The following FIP1L1 variants were observed in gnomAD, a reference collection of about 807,000 sequenced individuals.
FIP1L1 encodes the protein pre-mRNA 3'-end-processing factor FIP1.
In FIP1L1, 21 loss-of-function variants were observed where a neutral mutation model predicts 84.6. That is an observed-to-expected ratio of 0.25 (90% CI 0.18 to 0.36). FIP1L1 has a LOEUF of 0.36. Among genes scored for constraint, FIP1L1 ranks in the 10% least tolerant of loss-of-function variants. The probability of loss-of-function intolerance (pLI) is 1.00; values close to 1 mark genes in which losing one functional copy is unlikely to be tolerated. For missense variants in FIP1L1, 526 were observed against 751.1 expected, an observed-to-expected ratio of 0.70 and a Z score of 3.50; for synonymous variants, 263 against 242.3, an observed-to-expected ratio of 1.09 and a Z score of -0.80.
chr4:53,446,683 A>T (rs1217607271), intron 15 of FIP1L1, among the ~76,000 whole-genome samples: 1 of 152,154 alleles, frequency 6.6e-6, no homozygotes, highest in Non-Finnish European at 1.5e-5. Context: ...TTTTAATGAG[A>T]CTTTCCAGTT....
chr4:53,441,347 TTAGG>T (rs1771850593), intron 13 of FIP1L1, among the ~76,000 whole-genome samples: 1 of 151,748 alleles, frequency 6.6e-6, no homozygotes. Context: ...AGAGTGAAGT[TTAGG>T]TAGCATAGTA....
At chr4:53,381,971 A>G (rs529413351) in intron 3 of FIP1L1, among the ~76,000 whole-genome samples, 1 of 150,290 alleles carries the variant, frequency 6.7e-6, no homozygotes, top group South Asian at 2.1e-4. Flanking sequence ...GGGTTTTACC[A>G]TCTTGGCCAG....
At chr4:53,378,177 G>GC (rs1735693948) in intron 1 of FIP1L1, 2 of 366,098 alleles carry the variant, frequency 5.5e-6, no homozygotes, top group Non-Finnish European at 9.8e-6. Context: ...ACCGGTCCTG[G>GC]CCCCCGGCTT....
chr4:53,397,173 A>C (rs963008573), intron 9 of FIP1L1, among the ~76,000 whole-genome samples: 1 of 152,236 alleles, frequency 6.6e-6, no homozygotes, highest in African/African-American at 2.4e-5. Flanking sequence ...AGAAACCAGG[A>C]AGAAGAAAAT....
At chr4:53,446,525 G>T (rs1294308954) in intron 15 of FIP1L1, among the ~76,000 whole-genome samples, 1 of 152,076 alleles carries the variant, frequency 6.6e-6, no homozygotes, top group South Asian at 2.1e-4. Flanking sequence ...TGGGTCCTGG[G>T]TTCATCTCAT....
chr4:53,413,685 T>C (rs1002280679), intron 10 of FIP1L1, among the ~76,000 whole-genome samples: 2 of 152,278 alleles, frequency 1.3e-5, no homozygotes, highest in African/African-American at 4.8e-5. Context: ...AATTCAGATA[T>C]TGGGTTCAGA....
At chr4:53,414,543 A>G in intron 10 of FIP1L1, 72 bp from the exon 11 acceptor site, 1 of 1,047,632 alleles carries the variant, frequency 9.5e-7, no homozygotes. Context: ...GTCAAGAAAA[A>G]AAAAAAAACA....
intron 3 of FIP1L1, 46 bp from the exon 4 acceptor site, chr4:53,382,232 C>A (rs1738481604): frequency 7.2e-7 from 1 of 1,380,778 alleles, no homozygotes; most frequent in Non-Finnish European, 1.0e-6. Context: ...ATCTGTACTT[C>A]CGAAAAGTAA....
At chr4:53,449,456 A>C (rs1341042701) in intron 15 of FIP1L1, among the ~76,000 whole-genome samples, 3 of 152,168 alleles carry the variant, frequency 2.0e-5, no homozygotes, top group Non-Finnish European at 2.9e-5. Context: ...TGATTTGCTG[A>C]AATAAACCTA....
chr4:53,453,656 G>GT (rs1717324404), intron 16 of FIP1L1, among the ~76,000 whole-genome samples: 1 of 152,116 alleles, frequency 6.6e-6, no homozygotes, highest in South Asian at 2.1e-4. Context: ...TGACTCTCTT[G>GT]TTTCCCAATG....
chr4:53,403,971 C>G (rs576231954), intron 10 of FIP1L1, among the ~76,000 whole-genome samples: 20 of 151,372 alleles, frequency 1.3e-4, no homozygotes, highest in African/African-American at 4.6e-4. Context: ...CTCTCTCCAG[C>G]CACTGAGCTG....
intron 5 of FIP1L1, among the ~76,000 whole-genome samples, chr4:53,389,455 CTT>C (rs34929012): frequency 1.0e-4 from 15 of 150,466 alleles, no homozygotes; most frequent in Admixed American, 2.6e-4. Flanking sequence ...ACAAGTCAGG[CTT>C]TTTTTTTTTA....
At chr4:53,421,012 T>C (rs1209429112) in intron 11 of FIP1L1, among the ~76,000 whole-genome samples, 1 of 152,180 alleles carries the variant, frequency 6.6e-6, no homozygotes, top group Non-Finnish European at 1.5e-5. Flanking sequence ...CAAAAAAGTA[T>C]TGATGCTGGG....
intron 17 of FIP1L1, among the ~76,000 whole-genome samples, 166 bp from the exon 18 acceptor site, chr4:53,459,136 A>G (rs1247005235): frequency 6.6e-6 from 1 of 152,134 alleles, no homozygotes; most frequent in Non-Finnish European, 1.5e-5. Flanking sequence ...ATCCCTGCAT[A>G]AAAGTCACAT....
intron 11 of FIP1L1, among the ~76,000 whole-genome samples, chr4:53,417,642 CAAAAAAAA>C (rs57635694): frequency 2.2e-5 from 1 of 46,360 alleles, no homozygotes; most frequent in Non-Finnish European, 4.3e-5. Flanking sequence ...AACTCCTTCT[CAAAAAAAA>C]AAAAAAAAAA....
At chr4:53,396,009 C>T (rs113182200) in intron 9 of FIP1L1, among the ~76,000 whole-genome samples, 16,769 of 151,776 alleles carry the variant, frequency 0.11, 1,068 homozygotes, top group East Asian at 0.16. Flanking sequence ...ACCTCTACCT[C>T]CTGGGTTCAA....
At chr4:53,417,663 A>AAG (rs1553917521) in intron 11 of FIP1L1, among the ~76,000 whole-genome samples, 2 of 148,350 alleles carry the variant, frequency 1.3e-5, no homozygotes, top group Non-Finnish European at 3.0e-5. Flanking sequence ...AAAAAAAAAA[A>AAG]AAAGAAAAGA....
intron 11 of FIP1L1, among the ~76,000 whole-genome samples, chr4:53,420,360 C>T (rs1356044433): frequency 6.9e-6 from 1 of 145,680 alleles, no homozygotes; most frequent in Admixed American, 7.1e-5. Flanking sequence ...ATCCAGGAGG[C>T]AGAGGTTGTG....
intron 13 of FIP1L1, among the ~76,000 whole-genome samples, chr4:53,437,599 C>G (rs1769966438): frequency 6.6e-6 from 1 of 152,050 alleles, no homozygotes. Context: ...TTTCTGGTCC[C>G]ACCCCAGACT....
Sources: allele counts gnomAD v4.1 joint callset (sites outside exome capture counted in the v4.1 genomes callset), GRCh38; gene constraint gnomAD v4.1.1; transcripts MANE v1.5; gene names NCBI Gene and HGNC (gene_info 2026-07-23, HGNC 2026-07-21).